The following WDFY4 variants were observed in gnomAD, a reference collection of about 807,000 sequenced individuals.
The protein encoded by WDFY4 is WDFY family member 4.
WDFY4 carries 169 observed loss-of-function variants against 351.9 expected under a neutral mutation model. The observed-to-expected ratio is 0.48, with a 90% CI of 0.42 to 0.55. WDFY4 has a LOEUF of 0.55. Ranked by LOEUF, WDFY4 falls within the 20% of genes least tolerant of loss-of-function variation. The probability of loss-of-function intolerance (pLI) is 0.00; values close to 1 mark genes in which losing one functional copy is unlikely to be tolerated. For synonymous variants in WDFY4, 1,622 were observed against 1,574.6 expected, an observed-to-expected ratio of 1.03 and a Z score of -0.71; for missense variants, 3,803 against 3,935.6, an observed-to-expected ratio of 0.97 and a Z score of 0.90.
At chr10:48,776,706 T>C in intron 15 of WDFY4, 44 bp from the exon 16 acceptor site, 1 of 1,380,074 alleles carries the variant, frequency 7.2e-7, no homozygotes, top group South Asian at 1.4e-5. Context: ...GAGACAGAAA[T>C]GCTTTGAGCA....
chr10:48,803,624 G>A (rs1273494943), intron 25 of WDFY4, among the ~76,000 whole-genome samples: 1 of 152,148 alleles, frequency 6.6e-6, no homozygotes, highest in African/African-American at 2.4e-5. Context: ...GACCAGCAAA[G>A]GTCCACTCTC....
chr10:48,947,822 A>G (rs1468456539), intron 51 of WDFY4, among the ~76,000 whole-genome samples: 1 of 152,224 alleles, frequency 6.6e-6, no homozygotes, highest in Non-Finnish European at 1.5e-5. Context: ...TAAAGAGAAT[A>G]TAGCACAGGG....
At chr10:48,734,943 T>A (rs2064604040) in intron 10 of WDFY4, among the ~76,000 whole-genome samples, 1 of 1,448 alleles carries the variant, frequency 6.9e-4, no homozygotes, top group African/African-American at 8.4e-4. Context: ...GCACGGCTAA[T>A]TTTTTTTTTT....
At chr10:48,914,946 T>C (rs1213945100) in intron 47 of WDFY4, among the ~76,000 whole-genome samples, 1 of 152,174 alleles carries the variant, frequency 6.6e-6, no homozygotes, top group Non-Finnish European at 1.5e-5. Flanking sequence ...TCCTTCACAC[T>C]GGACTTCAAC....
At chr10:48,875,481 C>A (rs1328216289) in intron 42 of WDFY4, among the ~76,000 whole-genome samples, 1 of 152,198 alleles carries the variant, frequency 6.6e-6, no homozygotes, top group Non-Finnish European at 1.5e-5. Context: ...GTGGCATAAT[C>A]ACAACTCACT....
rs141680543 is a variant in WDFY4 at position 48,735,932 on chromosome 10, C to T, written c.1740C>T (p.Asp580=). ...MVPFIKIFLD[D]ECYREASLSI... is the part of the protein sequence containing the mutation. ...CCTTCATCAAGATCTTCCTGGATGACGAGTGCTACCGGGAGGCCTCGCTCA... is the reference window on the plus strand; with the variant it reads ...CCTTCATCAAGATCTTCCTGGATGATGAGTGCTACCGGGAGGCCTCGCTCA... Residue 580 remains aspartate, a synonymous_variant, in exon 11 of 62, where the codon GAC becomes GAT. Coordinates refer to ENST00000325239, the MANE Select transcript of WDFY4 (RefSeq NM_001394531.1). The T allele has an allele frequency of 8.3e-5, 129 of 1,551,738 alleles. 1 individual carries two copies. The East Asian group carries it at 2.4e-3, about 29-fold the overall frequency.
rs538650520 is a variant in WDFY4 at position 48,928,157 on chromosome 10, C to T, written c.7587-13649C>T. Among the ~76,000 whole-genome samples, 81 of 152,288 alleles carry T rather than the reference C, an allele frequency of 5.3e-4. 2 individuals are homozygous for T. Among genetic ancestry groups the T allele is most frequent in the African/African-American group, 1.9e-3 (79 of 41,568 alleles). ...ATTAGGAAACTGGGTCTCAGAGAAGCGGCTTGGCAGGGAAATGTGCCAGGG... is the reference window on the plus strand; with the variant it reads ...ATTAGGAAACTGGGTCTCAGAGAAGTGGCTTGGCAGGGAAATGTGCCAGGG... On this transcript the variant is annotated intron_variant, in intron 47 of 61. Transcript: ENST00000325239.
chr10:48,787,893 CCTTCTTCTTCTTCTTCTTCTTCTT>C (rs1182060101), intron 20 of WDFY4, among the ~76,000 whole-genome samples: 131 of 48,130 alleles, frequency 2.7e-3, no homozygotes, highest in Middle Eastern at 9.3e-3. Flanking sequence ...TTCTTCTTCT[CCTTCTTCTTCTTCTTCTTCTTCTT>C]CTTCTTCTTC....
At chr10:48,977,233 T>C (rs1015059607) in intron 59 of WDFY4, 5 of 298,708 alleles carry the variant, frequency 1.7e-5, no homozygotes, top group African/African-American at 8.6e-5. Flanking sequence ...TAAATACTGT[T>C]ACAACATATA....
At chr10:48,825,585 T>C (rs2067965899) in intron 35 of WDFY4, among the ~76,000 whole-genome samples, 1 of 152,226 alleles carries the variant, frequency 6.6e-6, no homozygotes, top group Non-Finnish European at 1.5e-5. Flanking sequence ...AGTGTAAAAG[T>C]GTTCCTATTG....
intron 2 of WDFY4, among the ~76,000 whole-genome samples, chr10:48,712,735 A>G (rs989933119): frequency 1.8e-4 from 28 of 152,236 alleles, no homozygotes; most frequent in African/African-American, 6.0e-4. Context: ...GTGTAAGAAG[A>G]TAAGCTTGTA....
rs1285180743 is a variant in WDFY4, at chr10:48,816,083, G to A, written c.5341-1162G>A. Among the ~76,000 whole-genome samples the A allele has an allele frequency of 2.0e-5, 3 of 152,180 alleles. No homozygotes were observed. In the East Asian group the frequency reaches 5.8e-4, roughly 29 times the overall value. ...TATTGGCTTGTTTAGGCTTTTAAATGTCTTCTTGACCTAGTTTAGTTAATT... is the reference window on the plus strand; with the variant it reads ...TATTGGCTTGTTTAGGCTTTTAAATATCTTCTTGACCTAGTTTAGTTAATT... On this transcript the variant is annotated intron_variant, in intron 31 of 61. Transcript: ENST00000325239.
chr10:48,796,276 T>A, intron 23 of WDFY4, 22 bp from the exon 24 acceptor site: 1 of 1,544,122 alleles, frequency 6.5e-7, no homozygotes, highest in South Asian at 1.2e-5. Context: ...ATGAGGAAAC[T>A]GCTTTGTGTT....
At chr10:48,787,902 TCTTCTTCTTC>T (rs2066503934) in intron 20 of WDFY4, among the ~76,000 whole-genome samples, 1 of 30,424 alleles carries the variant, frequency 3.3e-5, no homozygotes, top group African/African-American at 1.8e-4. Flanking sequence ...TCCTTCTTCT[TCTTCTTCTTC>T]TTCTTCTTCT....
At chr10:48,916,293 C>T (rs984133614) in intron 47 of WDFY4, among the ~76,000 whole-genome samples, 29 of 152,228 alleles carry the variant, frequency 1.9e-4, no homozygotes, top group African/African-American at 6.3e-4. Flanking sequence ...ACAAGAGCCT[C>T]TCTTTCTGGT....
intron 1 of WDFY4, among the ~76,000 whole-genome samples, chr10:48,685,412 G>A (rs1476137657): frequency 6.6e-6 from 1 of 152,218 alleles, no homozygotes; most frequent in Middle Eastern, 3.2e-3. Flanking sequence ...ACAGGACAGT[G>A]AGGCTCGCCC....
At chr10:48,723,150 CCTCCCTCCCTCT>C (rs1299842178) in intron 4 of WDFY4, among the ~76,000 whole-genome samples, 7 of 150,640 alleles carry the variant, frequency 4.6e-5, no homozygotes, top group South Asian at 2.1e-4. Context: ...TTCCACCCTC[CCTCCCTCCCTCT>C]CTCCCTCCCT....
intron 39 of WDFY4, among the ~76,000 whole-genome samples, chr10:48,834,735 G>T (rs1411272084): frequency 6.6e-6 from 1 of 152,242 alleles, no homozygotes; most frequent in Non-Finnish European, 1.5e-5. Flanking sequence ...ATGTTAGGGT[G>T]CTGGGCATGG....
chr10:48,936,093 C>G (rs1840341749), intron 47 of WDFY4, among the ~76,000 whole-genome samples: 2 of 151,866 alleles, frequency 1.3e-5, no homozygotes, highest in African/African-American at 4.8e-5. Flanking sequence ...AATAAATTAA[C>G]TAGCAAATAA....
Sources: gnomAD v4.1 joint callset for allele counts (sites outside exome capture counted in the v4.1 genomes callset) on GRCh38, gnomAD v4.1.1 for gene constraint, MANE v1.5 for transcripts, NCBI Gene and HGNC (gene_info 2026-07-23, HGNC 2026-07-21) for gene names.